Variants in FUT8 observed in about 807,000 individuals in gnomAD.
FUT8 encodes the protein alpha-(1,6)-fucosyltransferase.
In FUT8, 29 loss-of-function variants were observed where a neutral mutation model predicts 71.3. That is an observed-to-expected ratio of 0.41 (90% confidence interval 0.30 to 0.55). The LOEUF is 0.55. Among genes scored for constraint, FUT8 ranks in the 20% least tolerant of loss-of-function variants. FUT8 has a pLI of 0.34. For synonymous variants in FUT8, 254 were observed against 239.3 expected, an observed-to-expected ratio of 1.06 and a Z score of -0.57; for missense variants, 544 against 702.1, an observed-to-expected ratio of 0.77 and a Z score of 2.55.
At position 65,550,110 on chromosome 14, in the gene FUT8, A is replaced by C. The variant is rs1594760724; in HGVS notation, c.-227-11227A>C. Among the ~76,000 whole-genome samples, 1 of 152,076 alleles carries C rather than the reference A, an allele frequency of 6.6e-6. No homozygotes were observed. Among genetic ancestry groups the C allele is most frequent in the East Asian group, 1.9e-4 (1 of 5,182 alleles). On this transcript the variant is annotated intron_variant, in intron 2 of 10. Coordinates refer to ENST00000673929, the MANE Select transcript of FUT8 (RefSeq NM_001371533.1). This position sits in a 1 kb window ranked among gnomAD's most constrained non-coding sequence, Gnocchi z 4.5. ...AAGTTTACTTGGTTCCCAGCTTTGC[A>C]GTCTGTAGGAGAAGCATAATGCCAG...
intron 2 of FUT8, among the ~76,000 whole-genome samples, chr14:65,506,626 TA>T (rs967637309): frequency 1.1e-3 from 169 of 152,300 alleles, no homozygotes; most frequent in African/African-American, 3.7e-3. Context: ...TTGATTTTTT[TA>T]AAAAAATGTA....
intron 3 of FUT8, among the ~76,000 whole-genome samples, chr14:65,568,013 G>A (rs1388281698): frequency 6.6e-6 from 1 of 151,672 alleles, no homozygotes; most frequent in Non-Finnish European, 1.5e-5. Flanking sequence ...AGTTATCTGG[G>A]CCTGGAGTCT....
intron 7 of FUT8, among the ~76,000 whole-genome samples, chr14:65,710,268 T>A (rs1894749694): frequency 6.6e-6 from 1 of 152,158 alleles, no homozygotes; most frequent in African/African-American, 2.4e-5. Flanking sequence ...GGTACATGGA[T>A]ATAAAAATCA....
chr14:65,609,727 C>T (rs1888780666), intron 3 of FUT8, among the ~76,000 whole-genome samples: 1 of 151,764 alleles, frequency 6.6e-6, no homozygotes, highest in African/African-American at 2.4e-5. Context: ...TTCATTCATT[C>T]AATCAGTCAT....
the FUT8 span, among the ~76,000 whole-genome samples, chr14:65,399,733 GTTAA>G: frequency 6.6e-6 from 1 of 152,198 alleles, no homozygotes; most frequent in Non-Finnish European, 1.5e-5. Context: ...GAAGGAAAAA[GTTAA>G]TTAGATTTCT....
At chr14:65,622,261 C>T (rs572699278) in intron 5 of FUT8, among the ~76,000 whole-genome samples, 1 of 151,670 alleles carries the variant, frequency 6.6e-6, no homozygotes, top group East Asian at 2.0e-4. Flanking sequence ...TGAGCTTTTT[C>T]TCTTCTACGT....
chr14:65,545,376 G>A (rs1031955301), intron 2 of FUT8, among the ~76,000 whole-genome samples: 1 of 151,780 alleles, frequency 6.6e-6, no homozygotes, highest in Non-Finnish European at 1.5e-5. Context: ...TAAAATGTTT[G>A]TACATTATAA....
intron 7 of FUT8, among the ~76,000 whole-genome samples, chr14:65,698,336 T>C (rs1594911118): frequency 1.3e-5 from 2 of 152,332 alleles, no homozygotes; most frequent in African/African-American, 4.8e-5. Context: ...TGGAAAAGTG[T>C]ACAGTAAAAT....
At chr14:65,555,475 C>G (rs1333171192) in intron 2 of FUT8, among the ~76,000 whole-genome samples, 1 of 152,140 alleles carries the variant, frequency 6.6e-6, no homozygotes, top group African/African-American at 2.4e-5. Context: ...TAAAGGATCT[C>G]CTATGCAAAT....
intron 6 of FUT8, among the ~76,000 whole-genome samples, chr14:65,630,852 C>T (rs1890146023): frequency 6.6e-6 from 1 of 152,178 alleles, no homozygotes; most frequent in Non-Finnish European, 1.5e-5. Context: ...CTTGGAACAT[C>T]CTCCACCCTC....
intron 7 of FUT8, among the ~76,000 whole-genome samples, chr14:65,719,455 G>A (rs1895292028): frequency 1.3e-5 from 2 of 152,008 alleles, no homozygotes; most frequent in South Asian, 2.1e-4. Flanking sequence ...TTTGGTCCCT[G>A]GTGCCTTATT....
intron 3 of FUT8, among the ~76,000 whole-genome samples, chr14:65,596,193 T>C (rs1292515797): frequency 1.3e-5 from 2 of 152,166 alleles, no homozygotes; most frequent in African/African-American, 4.8e-5. Context: ...TTAACTGGGT[T>C]AGAGAAAGTA....
chr14:65,502,037 A>G (rs1477470062), intron 2 of FUT8, among the ~76,000 whole-genome samples: 1 of 151,696 alleles, frequency 6.6e-6, no homozygotes, highest in African/African-American at 2.4e-5. Context: ...CAGCCACCCA[A>G]GTAGCTGGGA....
In FUT8 at chr14:65,413,521, A is replaced by G. The variant is rs1189204327; in HGVS notation, c.-326+307A>G. 6.6e-6 allele frequency among the ~76,000 whole-genome samples: 1 copy of G among 152,034 alleles called. No homozygotes were observed. Among genetic ancestry groups the G allele is most frequent in the East Asian group, 1.9e-4 (1 of 5,168 alleles). On this transcript the variant is annotated intron_variant, in intron 1 of 10. Coordinates refer to ENST00000673929, the MANE Select transcript of FUT8 (RefSeq NM_001371533.1). The surrounding 1 kb of genome is among the most constrained non-coding windows in gnomAD (Gnocchi z 4.1). ...CGCATCCTTGCCTAGGGCAGGGGCC[A>G]AAGCCTAGGGAAGGAGAAGGGTTGG...
Position 65,706,511 on chromosome 14 carries a change from G to A in FUT8, c.836-15264G>A, listed in dbSNP as rs528696535. Among the ~76,000 whole-genome samples, 5 of 152,176 alleles carry A rather than the reference G, an allele frequency of 3.3e-5. No individual in the cohort carries two copies. The East Asian group carries it at 7.7e-4, about 24-fold the overall frequency. The stretch of plus-strand genomic sequence containing the variant: ...ACCAGAGGAGTGTCAGTCCGTTTGG[G>A]CTGCTATAACAAAATACTATAAACT... On this transcript the variant is annotated intron_variant, in intron 7 of 10. Transcript: ENST00000673929.
At chr14:65,421,911 G>C (rs926954074) in intron 1 of FUT8, among the ~76,000 whole-genome samples, 1 of 151,958 alleles carries the variant, frequency 6.6e-6, no homozygotes, top group African/African-American at 2.4e-5. Flanking sequence ...AACAACGACG[G>C]CTTCTTCAGT....
chr14:65,470,848 T>C (rs1411810491), intron 2 of FUT8, among the ~76,000 whole-genome samples: 1 of 151,744 alleles, frequency 6.6e-6, no homozygotes, highest in Non-Finnish European at 1.5e-5. Flanking sequence ...ATCGGTCTGC[T>C]CTCTGCTTGA....
chr14:65,462,459 C>A (rs2065981990), intron 2 of FUT8, among the ~76,000 whole-genome samples: 1 of 152,088 alleles, frequency 6.6e-6, no homozygotes, highest in Non-Finnish European at 1.5e-5. Context: ...AATGTGGTTC[C>A]CCTTCCCCCT....
In FUT8 at chr14:65,611,296, CACACA is replaced by C. The variant is rs1382253261; in HGVS notation, c.204-4681_204-4677del. Among the ~76,000 whole-genome samples the C allele has an allele frequency of 8.1e-5, 4 of 49,126 alleles. 1 individual carries two copies. The highest frequency in any genetic ancestry group is 2.1e-3 in the East Asian group (2 of 950). The allele number at this position is 49,126 out of a possible 152,430, so 32.2% of individuals were successfully genotyped here. ...ACACACACACACACACACACACACA[CACACA>C]CCCCCCAAGTAATAGCCTTGATTTT... is the stretch of plus-strand genomic sequence containing the variant. On this transcript the variant is annotated intron_variant, in intron 3 of 10. Coordinates refer to ENST00000673929, the MANE Select transcript of FUT8 (RefSeq NM_001371533.1).
Sources: allele counts gnomAD v4.1 joint callset (sites outside exome capture counted in the v4.1 genomes callset), GRCh38; gene constraint gnomAD v4.1.1; non-coding constraint Gnocchi (gnomAD v3.1); transcripts MANE v1.5; gene names NCBI Gene and HGNC (gene_info 2026-07-23, HGNC 2026-07-21).